Variants in NOTCH2 observed in about 807,000 individuals in gnomAD.
The protein encoded by NOTCH2 is notch receptor 2.
NOTCH2 carries 29 observed loss-of-function variants against 235.8 expected under a neutral mutation model. The ratio of observed to expected loss-of-function variants is 0.12; its 90% CI spans 0.09 to 0.17. The LOEUF (loss-of-function observed/expected upper bound fraction) is 0.17. Ranked by LOEUF, NOTCH2 falls within the 10% of genes least tolerant of loss-of-function variation. The pLI, the probability that NOTCH2 is intolerant of heterozygous loss-of-function variation, is 1.00. For missense variants in NOTCH2, 2,285 were observed against 3,150.2 expected (o/e 0.73, Z 6.57); for synonymous variants, 1,086 against 1,141.5 (o/e 0.95, Z 0.98).
At chr1:119,960,871 GC>G (rs1287748943) in intron 11 of NOTCH2, among the ~76,000 whole-genome samples, 7 of 151,898 alleles carry the variant, frequency 4.6e-5, no homozygotes, top group African/African-American at 1.2e-4. Flanking sequence ...TTGCTATGTT[GC>G]CCAGGCTGGT....
At chr1:119,939,289 T>C (rs1408128771) in intron 19 of NOTCH2, among the ~76,000 whole-genome samples, 2 of 152,120 alleles carry the variant, frequency 1.3e-5, no homozygotes, top group Admixed American at 1.3e-4. Flanking sequence ...GTCTTCTATT[T>C]AAAAAGTTCT....
chr1:119,950,162 C>T (rs1650417761), intron 15 of NOTCH2: 1 of 301,082 alleles, frequency 3.3e-6, no homozygotes, highest in Non-Finnish European at 6.5e-6. Context: ...GTAAAAAGGC[C>T]ATTAAGAGGA....
Position 120,045,710 on chromosome 1 carries a change from T to C in NOTCH2, c.74-15723A>G, listed in dbSNP as rs1308002897. Among the ~76,000 whole-genome samples the C allele has an allele frequency of 2.6e-5, 4 of 152,408 alleles. No individual in the cohort carries two copies. In the East Asian group the frequency reaches 7.7e-4, roughly 29 times the overall value. On this transcript the variant is annotated intron_variant, in intron 1 of 33. Transcript: ENST00000256646. ...ATCTTTATCTTTTCTACCTCAAGTA[T>C]ACAGTTTTTTAATTGAAAATTTTAA...
At position 119,935,451 on chromosome 1, in the gene NOTCH2, TG is replaced by T; in HGVS notation, c.3655+20del. 6.2e-7 allele frequency: 1 copy of T among 1,614,070 alleles called. No homozygotes were observed. The highest frequency in any genetic ancestry group is 8.5e-7 in the Non-Finnish European group (1 of 1,180,012). Reference sequence around the variant, plus strand: ...TTAAGACAATGCCCTGGATGGAAAATGGATAAGGATGATTTCATACCCCGAG... The same window carrying T: ...TTAAGACAATGCCCTGGATGGAAAATGATAAGGATGATTTCATACCCCGAG... On this transcript the variant is annotated intron_variant, in intron 22 of 33. Coordinates refer to ENST00000256646, the MANE Select transcript of NOTCH2 (RefSeq NM_024408.4).
chr1:119,922,499 T>C, intron 27 of NOTCH2, 53 bp from the exon 28 acceptor site: 1 of 1,593,998 alleles, frequency 6.3e-7, no homozygotes, highest in East Asian at 2.2e-5. Context: ...AACCTCTCAA[T>C]GTCAGCATTA....
intron 2 of NOTCH2, among the ~76,000 whole-genome samples, chr1:120,011,704 G>A (rs1212648128): frequency 1.2e-4 from 19 of 152,008 alleles, no homozygotes; most frequent in Middle Eastern, 3.4e-3. Flanking sequence ...TGAGGAACTC[G>A]AAGCTTAGAA....
chr1:119,950,609 G>A (rs781960058), intron 15 of NOTCH2, 115 bp downstream of exon 15: 32 of 764,920 alleles, frequency 4.2e-5, no homozygotes, highest in Non-Finnish European at 7.2e-5. Flanking sequence ...GACAACTGAG[G>A]AGTGAGCCCT....
chr1:120,001,101 C>G (rs148799901), intron 3 of NOTCH2, among the ~76,000 whole-genome samples: 1 of 152,098 alleles, frequency 6.6e-6, no homozygotes, highest in Admixed American at 6.5e-5. Context: ...GCCACCACCA[C>G]GAAAGAAGTG....
intron 19 of NOTCH2, among the ~76,000 whole-genome samples, chr1:119,938,897 G>C (rs1354826731): frequency 6.6e-6 from 1 of 152,144 alleles, no homozygotes; most frequent in East Asian, 1.9e-4. Context: ...AGCCAGGACG[G>C]TCTCGATCTC....
chr1:119,947,275 G>T (rs1240915459), intron 17 of NOTCH2, among the ~76,000 whole-genome samples: 1 of 152,108 alleles, frequency 6.6e-6, no homozygotes, highest in Non-Finnish European at 1.5e-5. Context: ...GCAAATACCT[G>T]TCAAAGAATT....
rs1030248498 is a variant in NOTCH2 at position 119,976,590 on chromosome 1, G to C, written c.875-6846C>G. Among the ~76,000 whole-genome samples the C allele has an allele frequency of 2.0e-5, 3 of 151,940 alleles. No individual in the cohort carries two copies. The East Asian group carries it at 5.8e-4, about 29-fold the overall frequency. ...CAAAGGCCTGGTTTCCCTGCATCATGACCAATGTATTTTCTAAAGAGCCGC... is the reference window on the plus strand; with the variant it reads ...CAAAGGCCTGGTTTCCCTGCATCATCACCAATGTATTTTCTAAAGAGCCGC... On this transcript the variant is annotated intron_variant, in intron 5 of 33. Transcript: ENST00000256646.
rs2101143220 is a variant in NOTCH2 at position 119,915,985 on chromosome 1, G to A, written c.6737C>T (p.Pro2246Leu). The change falls in exon 34 of 34, where the codon CCA becomes CTA. Residue 2246 changes from proline to leucine, a missense_variant. Transcript: ENST00000256646. ...GSAGSLSRLH[P>L]VPVPADWMNR... ...CATCCAATCTGCTGGGACTGGGACTGGATGGAGCCTACTCAAGCTTCCAGC... is the reference window on the plus strand; with the variant it reads ...CATCCAATCTGCTGGGACTGGGACTAGATGGAGCCTACTCAAGCTTCCAGC... 1 of 1,613,932 alleles carries A rather than the reference G, an allele frequency of 6.2e-7. No homozygotes were observed. Among genetic ancestry groups the A allele is most frequent in the South Asian group, 1.1e-5 (1 of 91,086 alleles).
chr1:120,006,760 C>G (rs1302400715), intron 2 of NOTCH2, among the ~76,000 whole-genome samples: 1 of 152,042 alleles, frequency 6.6e-6, no homozygotes, highest in Non-Finnish European at 1.5e-5. Context: ...CTCTCAAAAA[C>G]CAGCTCTTCT....
intron 8 of NOTCH2, among the ~76,000 whole-genome samples, chr1:119,966,921 G>T (rs1229130129): frequency 5.9e-5 from 9 of 152,158 alleles, no homozygotes; most frequent in African/African-American, 2.2e-4. Context: ...GCCTTAATCA[G>T]GCAGAGCAGC....
At chr1:119,931,653 C>T (rs1419260512) in intron 22 of NOTCH2, among the ~76,000 whole-genome samples, 1 of 151,978 alleles carries the variant, frequency 6.6e-6, no homozygotes, top group Non-Finnish European at 1.5e-5. Context: ...AAGGTGCCAT[C>T]TCAAATCATT....
chr1:120,034,366 AAGT>A (rs1461651256), intron 1 of NOTCH2, among the ~76,000 whole-genome samples: 11 of 130,100 alleles, frequency 8.5e-5, no homozygotes, highest in African/African-American at 3.6e-4. Context: ...AAGCAAAAAG[AAGT>A]AGTAGATTTC....
In NOTCH2 at chr1:119,948,525, G is replaced by A; in HGVS notation, c.2641C>T (p.Pro881Ser). 6.2e-7 allele frequency: 1 copy of A among 1,614,180 alleles called. No homozygotes were observed. The highest frequency in any genetic ancestry group is 1.7e-5 in the Admixed American group (1 of 60,020). The change falls in exon 17 of 34, where the codon CCC becomes TCC. Residue 881 changes from proline to serine, a missense_variant. Pro to Ser is a moderately conservative substitution (Grantham distance 74). Coordinates refer to ENST00000256646, the MANE Select transcript of NOTCH2 (RefSeq NM_024408.4). Reference protein sequence around the residue: ...TIDIDECISKPCMNHGLCHNT... With the variant: ...TIDIDECISKSCMNHGLCHNT... ...TGGCAGAGACCATGGTTCATGCAGG[G>A]CTTGGAGATACACTCGTCAATGTCA...
In NOTCH2 at chr1:119,967,523, T is replaced by C. The variant is rs1227068559; in HGVS notation, c.1363A>G (p.Met455Val). Residue 455 changes from methionine to valine, a missense_variant, in exon 8 of 34, where the codon ATG becomes GTG. Met to Val is a conservative substitution (Grantham distance 21). This residue lies in a region of NOTCH2 where 431 missense variants were observed against 757.8 expected (regional missense o/e 0.57). Transcript: ENST00000256646. The stretch of plus-strand genomic sequence containing the variant: ...TCTGAATGGCACTCATTGATGTCCA[T>C]CTCACAACGAGGTCCTGCATAACCC... The part of the protein sequence containing the change: ...LKGYAGPRCE[M>V]DINECHSDPC... The C allele has an allele frequency of 2.5e-6, 4 of 1,613,944 alleles. No homozygotes were observed. The East Asian group carries it at 6.7e-5, about 27-fold the overall frequency.
In NOTCH2 at chr1:119,914,778, G is replaced by C. The variant is rs909274858; in HGVS notation, c.*528C>G. 1 of 266,890 alleles carries C rather than the reference G, an allele frequency of 3.7e-6. No individual in the cohort carries two copies. Among genetic ancestry groups the C allele is most frequent in the African/African-American group, 2.2e-5 (1 of 46,290 alleles). 16.5% of individuals were successfully genotyped at this position (266,890 alleles called of 1,614,324 possible). A position where few individuals can be genotyped will look rare whatever the true frequency, so the allele number is the denominator to read the frequency against. ...GGGCCAGAATGATCAAAAGCACAAAGGTCTTGCCCTATAACATGCTGGTAG... is the reference window on the plus strand; with the variant it reads ...GGGCCAGAATGATCAAAAGCACAAACGTCTTGCCCTATAACATGCTGGTAG... On this transcript the variant is annotated 3_prime_UTR_variant, in exon 34 of 34. Coordinates refer to ENST00000256646, the MANE Select transcript of NOTCH2 (RefSeq NM_024408.4).
Sources: gnomAD v4.1 joint callset for allele counts (sites outside exome capture counted in the v4.1 genomes callset) on GRCh38, gnomAD v4.1.1 for gene constraint, gnomAD v4.1.1 regional missense constraint, MANE v1.5 for transcripts, NCBI Gene and HGNC (gene_info 2026-07-23, HGNC 2026-07-21) for gene names.